Variants in PIAS2 observed in about 807,000 individuals in gnomAD.
The protein encoded by PIAS2 is protein inhibitor of activated STAT 2.
PIAS2 carries 19 observed loss-of-function variants against 69.7 expected under a neutral mutation model. The observed-to-expected ratio is 0.27, with a 90% CI of 0.19 to 0.40. The LOEUF (loss-of-function observed/expected upper bound fraction) is 0.40. Ranked by LOEUF, PIAS2 falls within the 10% of genes least tolerant of loss-of-function variation. The pLI, the probability that PIAS2 is intolerant of heterozygous loss-of-function variation, is 1.00. For missense variants in PIAS2, 624 were observed against 757.0 expected (o/e 0.82, Z 2.06); for synonymous variants, 261 against 263.2 (o/e 0.99, Z 0.08).
chr18:46,862,409 TCTTA>T (rs1489172403), intron 3 of PIAS2, among the ~76,000 whole-genome samples: 4 of 152,140 alleles, frequency 2.6e-5, no homozygotes, highest in Non-Finnish European at 5.9e-5. Context: ...TTTGAAAAAC[TCTTA>T]CTATCATCTC....
Position 46,812,489 on chromosome 18 carries a change from T to C in PIAS2, c.1810A>G (p.Thr604Ala). Residue 604 changes from threonine (T) to alanine (A), a missense_variant, in exon 14 of 14, where the codon ACA becomes GCA. Physicochemically the swap from Thr to Ala is moderately conservative, Grantham distance 58. Transcript: ENST00000585916. Reference protein sequence around the residue: ...HVSSSSSRSETGVITSSGSNI... With the variant: ...HVSSSSSRSEAGVITSSGSNI... ...CTTCCACTGCTGGTTATGACCCCTG[T>C]CTCACTCCTGCTGCTGGATGAACTA... 6.2e-7 allele frequency: 1 copy of C among 1,613,230 alleles called. No homozygotes were observed. The highest frequency in any genetic ancestry group is 1.3e-5 in the African/African-American group (1 of 75,030).
chr18:46,815,296 A>C lies in PIAS2; in HGVS notation c.1686+16T>G, dbSNP rs2041389538. 1 of 1,607,430 alleles carries C rather than the reference A, an allele frequency of 6.2e-7. No homozygotes were observed. On this transcript the variant is annotated intron_variant, in intron 13 of 13. Coordinates refer to ENST00000585916, the MANE Select transcript of PIAS2 (RefSeq NM_004671.5). ...CAATCAAATACAAATTAGTTGCTTA[A>C]ATTCAGGATACATACCTGGGGATCA...
At position 46,845,061 on chromosome 18, in the gene PIAS2, A is replaced by T. The variant is rs1033065535; in HGVS notation, c.862-222T>A. On this transcript the variant is annotated intron_variant, in intron 6 of 13. Coordinates refer to ENST00000585916, the MANE Select transcript of PIAS2 (RefSeq NM_004671.5). ...TATTTCTTGATCATTTATCACTTTA[A>T]AACATTCGCTGGTATGGGAATATAG... 2.3e-5 allele frequency: 7 copies of T among 308,726 alleles called. No homozygotes were observed. The Admixed American group carries it at 3.5e-4, about 16-fold the overall frequency. The allele number at this position is 308,726 out of a possible 1,614,324, so 19.1% of individuals were successfully genotyped here. A position where few individuals can be genotyped will look rare whatever the true frequency, so the allele number is the denominator to read the frequency against.
chr18:46,852,271 A>G (rs2047076082), intron 5 of PIAS2, among the ~76,000 whole-genome samples: 1 of 152,194 alleles, frequency 6.6e-6, no homozygotes, highest in African/African-American at 2.4e-5. Context: ...CAGCTGTTCT[A>G]TAGGACTTTA....
rs1204616944 is a variant in PIAS2 at position 46,807,167 on chromosome 18, A to G, written c.*5266T>C. 6.6e-6 allele frequency: 1 copy of G among 151,398 alleles called. No homozygotes were observed. Among genetic ancestry groups the G allele is most frequent in the African/African-American group, 2.4e-5 (1 of 41,094 alleles). The allele number at this position is 151,398 out of a possible 1,614,324, so 9.4% of individuals were successfully genotyped here. On this transcript the variant is annotated 3_prime_UTR_variant, in exon 14 of 14. Transcript: ENST00000585916. The stretch of plus-strand genomic sequence containing the variant: ...ATAATGGGGCCTACAGGAAGAGGAA[A>G]AAGAGAGCTGACCTCTTAAGGGCAG...
At chr18:46,890,454 T>C (rs981764443) in intron 2 of PIAS2, 126 bp downstream of exon 2, 1 of 626,282 alleles carries the variant, frequency 1.6e-6, no homozygotes, top group African/African-American at 1.8e-5. Flanking sequence ...TTTATCCGTA[T>C]ATTCAAACAT....
intron 1 of PIAS2, chr18:46,916,876 C>A (rs1452779774): frequency 6.1e-6 from 6 of 985,368 alleles, no homozygotes; most frequent in Non-Finnish European, 7.2e-6. Flanking sequence ...GATTCCTAAA[C>A]GCAACTTCAG....
At position 46,855,199 on chromosome 18, in the gene PIAS2, A is replaced by T. The variant is rs569811406; in HGVS notation, c.726+146T>A. On this transcript the variant is annotated intron_variant, in intron 5 of 13. Transcript: ENST00000585916. The stretch of plus-strand genomic sequence containing the variant: ...CCATTTATTATTTATCCAAGAAGCC[A>T]TGGGTTACCCTAGTGGAAAATAGTA... 1.4e-4 allele frequency: 68 copies of T among 497,096 alleles called. 1 individual carries two copies. The South Asian group carries it at 3.2e-3, about 23-fold the overall frequency. The allele number at this position is 497,096 out of a possible 1,614,324, so 30.8% of individuals were successfully genotyped here.
chr18:46,835,086 AAC>A (rs1213409895), intron 9 of PIAS2, among the ~76,000 whole-genome samples: 1 of 152,216 alleles, frequency 6.6e-6, no homozygotes, highest in Non-Finnish European at 1.5e-5. Context: ...GAATTTAGTA[AAC>A]ACATCACAAA....
intron 9 of PIAS2, among the ~76,000 whole-genome samples, chr18:46,833,934 A>G (rs532148435): frequency 1.3e-5 from 2 of 152,180 alleles, no homozygotes; most frequent in East Asian, 3.9e-4. Flanking sequence ...GGGATCACCT[A>G]TTCCCTACTG....
intron 5 of PIAS2, among the ~76,000 whole-genome samples, chr18:46,848,795 G>C (rs1264231303): frequency 6.8e-6 from 1 of 146,930 alleles, no homozygotes; most frequent in Admixed American, 6.8e-5. Context: ...GTGTGAGAGA[G>C]AGAGAGTAGG....
At chr18:46,822,570 G>A (rs1201123544) in intron 11 of PIAS2, among the ~76,000 whole-genome samples, 3 of 152,132 alleles carry the variant, frequency 2.0e-5, no homozygotes, top group Non-Finnish European at 2.9e-5. Flanking sequence ...AGACTCTGGA[G>A]GAAAAAGAGA....
intron 3 of PIAS2, among the ~76,000 whole-genome samples, chr18:46,862,785 A>G (rs902362172): frequency 9.9e-5 from 15 of 151,996 alleles, no homozygotes; most frequent in Admixed American, 2.6e-4. Context: ...GGCTCACTGC[A>G]ACCTCTGCCT....
chr18:46,822,538 T>C (rs1053113060), intron 11 of PIAS2, among the ~76,000 whole-genome samples: 1 of 152,126 alleles, frequency 6.6e-6, no homozygotes, highest in African/African-American at 2.4e-5. Flanking sequence ...ACAAGCAGTA[T>C]GTGAGCAATG....
chr18:46,876,151 T>C (rs2051152437), intron 2 of PIAS2, among the ~76,000 whole-genome samples: 1 of 152,234 alleles, frequency 6.6e-6, no homozygotes, highest in Admixed American at 6.5e-5. Context: ...GCCAAGTAAC[T>C]AGAGCAGCAC....
At position 46,898,312 on chromosome 18, in the gene PIAS2, TA is replaced by T. The variant is rs528996686; in HGVS notation, c.25-7259del. Reference sequence around the variant, plus strand: ...ACTGGCACACACCACCACACCTGGCTAAATTTTGTATTTTAGTAGAGACAGG... The same window carrying T: ...ACTGGCACACACCACCACACCTGGCTAATTTTGTATTTTAGTAGAGACAGG... On this transcript the variant is annotated intron_variant, in intron 1 of 13. Coordinates refer to ENST00000585916, the MANE Select transcript of PIAS2 (RefSeq NM_004671.5). 1.8e-3 allele frequency among the ~76,000 whole-genome samples: 276 copies of T among 152,164 alleles called. 2 individuals are homozygous for T. The highest frequency in any genetic ancestry group is 6.0e-3 in the African/African-American group (250 of 41,516).
At position 46,890,586 on chromosome 18, in the gene PIAS2, T is replaced by C. The variant is rs1262535311; in HGVS notation, c.493A>G (p.Ser165Gly). Residue 165 changes from serine to glycine, a missense_variant, in exon 2 of 14, where the codon AGT becomes GGT. Physicochemically the swap from Ser to Gly is moderately conservative, Grantham distance 56. Around this residue, in one of 3 missense-constraint regions of PIAS2, gnomAD observed 339 missense variants for 408.8 expected, o/e 0.83. Transcript: ENST00000585916. ...DVLDVLIKPT[S>G]LVQSSIQRFQ... ...TGAATTCTCAAACACTTACCTAAAC[T>C]CGTGGGCTTGATGAGAACATCAAGG... The C allele has an allele frequency of 6.2e-7, 1 of 1,602,576 alleles. No homozygotes were observed. Among genetic ancestry groups the C allele is most frequent in the Non-Finnish European group, 8.5e-7 (1 of 1,170,250 alleles).
intron 13 of PIAS2, among the ~76,000 whole-genome samples, chr18:46,814,310 A>C (rs1006382400): frequency 6.6e-6 from 1 of 152,186 alleles, no homozygotes; most frequent in Non-Finnish European, 1.5e-5. Context: ...TAAATATACA[A>C]AACAGAGCTA....
At chr18:46,870,390 T>C (rs111297750) in intron 2 of PIAS2, among the ~76,000 whole-genome samples, 11,649 of 151,692 alleles carry the variant, frequency 0.077, 475 homozygotes, top group African/African-American at 0.099. Context: ...CCGAGGCAGG[T>C]GGATCACAAC....
Sources: allele counts gnomAD v4.1 joint callset (sites outside exome capture counted in the v4.1 genomes callset), GRCh38; gene constraint gnomAD v4.1.1; regional missense constraint gnomAD v4.1.1; transcripts MANE v1.5; gene names NCBI Gene and HGNC (gene_info 2026-07-23, HGNC 2026-07-21).